TEX11: variants seen among roughly 807,000 people sequenced by gnomAD.
TEX11 encodes the protein testis expressed 11.
Under a neutral mutation model 84.4 loss-of-function variants are expected in TEX11, and 7 were observed. The ratio of observed to expected loss-of-function variants is 0.08; its 90% confidence interval spans 0.05 to 0.16. The LOEUF (loss-of-function observed/expected upper bound fraction) is 0.16. Ranked by LOEUF, TEX11 falls within the 10% of genes least tolerant of loss-of-function variation. TEX11 has a pLI of 1.00. For missense variants in TEX11, 551 were observed against 660.5 expected, an observed-to-expected ratio of 0.83 and a Z score of 1.82; for synonymous variants, 264 against 222.8, an observed-to-expected ratio of 1.18 and a Z score of -1.64.
chrX:70,753,864 A>G (rs2090847741), intron 9 of TEX11, among the ~76,000 whole-genome samples: 1 of 110,638 alleles, frequency 9.0e-6, no homozygotes, highest in Non-Finnish European at 1.9e-5. Context: ...CCCTCTCTTG[A>G]AGGAAAGGAC....
intron 28 of TEX11, among the ~76,000 whole-genome samples, chrX:70,550,934 A>G (rs1308905420): frequency 3.6e-5 from 4 of 111,957 alleles, no homozygotes; most frequent in African/African-American, 1.3e-4. Context: ...CAGTATATCA[A>G]AGAGGTATCT....
intron 7 of TEX11, among the ~76,000 whole-genome samples, chrX:70,843,190 A>G (rs2091457855): frequency 4.5e-5 from 5 of 111,982 alleles, no homozygotes; most frequent in Admixed American, 3.8e-4. Context: ...AAGCCAGAAG[A>G]ACAAAGCTGG....
chrX:70,729,427 T>C (rs2090626695), intron 11 of TEX11, among the ~76,000 whole-genome samples: 1 of 110,697 alleles, frequency 9.0e-6, no homozygotes, highest in Non-Finnish European at 1.9e-5. Flanking sequence ...ATTAGACGAA[T>C]GGCTAACTAG....
rs765024120 is a variant in TEX11 at position 70,648,877 on chromosome X, C to G, written c.1483+2573G>C. Among the ~76,000 whole-genome samples, 6 of 110,212 alleles carry G rather than the reference C, an allele frequency of 5.4e-5. No individual in the cohort carries two copies. The East Asian group carries it at 1.4e-3, about 26-fold the overall frequency. On this transcript the variant is annotated intron_variant, in intron 17 of 29. Transcript: ENST00000374333. ...CCTGATGTTCTCCCTCCCCTCCCCG[C>G]CCCCAACAGGCCCCAGTGTGTGTTG...
intron 17 of TEX11, among the ~76,000 whole-genome samples, chrX:70,637,289 T>C (rs1356532186): frequency 1.8e-5 from 2 of 112,198 alleles, no homozygotes; most frequent in African/African-American, 6.5e-5. Flanking sequence ...AAAGGAATGC[T>C]TTTACACTTT....
intron 16 of TEX11, among the ~76,000 whole-genome samples, chrX:70,667,770 A>G (rs1353843566): frequency 9.0e-6 from 1 of 110,922 alleles, no homozygotes. Context: ...TACTAAAAAT[A>G]TAAAAAATTA....
At chrX:70,633,787 G>A (rs1034518141) in intron 17 of TEX11, among the ~76,000 whole-genome samples, 1 of 110,856 alleles carries the variant, frequency 9.0e-6, no homozygotes, top group Non-Finnish European at 1.9e-5. Flanking sequence ...GCGTGGTGGT[G>A]CATGCCTGTA....
intron 7 of TEX11, among the ~76,000 whole-genome samples, chrX:70,848,673 G>A (rs2091491862): frequency 8.9e-6 from 1 of 111,967 alleles, no homozygotes; most frequent in Admixed American, 9.6e-5. Flanking sequence ...TACTATGCTA[G>A]AAGCTGACAA....
chrX:70,744,767 G>A (rs2090757662), intron 9 of TEX11, among the ~76,000 whole-genome samples: 1 of 110,406 alleles, frequency 9.1e-6, no homozygotes, highest in Non-Finnish European at 1.9e-5. Context: ...CTGGAGTGCA[G>A]TGGCACGATC....
intron 16 of TEX11, among the ~76,000 whole-genome samples, chrX:70,666,206 C>A (rs1463460447): frequency 1.8e-5 from 2 of 111,315 alleles, no homozygotes; most frequent in East Asian, 5.6e-4. Flanking sequence ...GTTACAAAGT[C>A]TTGGAGGAAA....
At chrX:70,804,174 T>C (rs1368562028) in intron 9 of TEX11, among the ~76,000 whole-genome samples, 1 of 112,126 alleles carries the variant, frequency 8.9e-6, no homozygotes, top group Non-Finnish European at 1.9e-5. Context: ...GTAGAGATAG[T>C]AGCAGCAGTT....
chrX:70,718,690 A>G (rs1388471557), intron 13 of TEX11, among the ~76,000 whole-genome samples: 1 of 111,907 alleles, frequency 8.9e-6, no homozygotes, highest in East Asian at 2.8e-4. Context: ...TTCAGAACTG[A>G]AGTATTTATT....
intron 2 of TEX11, among the ~76,000 whole-genome samples, chrX:70,905,868 A>G (rs2091826296): frequency 9.5e-6 from 1 of 105,142 alleles, no homozygotes; most frequent in African/African-American, 3.4e-5. Context: ...CCTGGCCAAC[A>G]TGGTGAAACC....
chrX:70,858,102 C>T (rs1484549072), intron 5 of TEX11, among the ~76,000 whole-genome samples: 1 of 108,614 alleles, frequency 9.2e-6, no homozygotes, highest in Non-Finnish European at 1.9e-5. Context: ...AATACGATGC[C>T]TTGTATACTG....
chrX:70,856,505 G>T (rs1343799178), intron 5 of TEX11, among the ~76,000 whole-genome samples: 2 of 110,911 alleles, frequency 1.8e-5, no homozygotes, highest in African/African-American at 6.5e-5. Context: ...ATCTCTAGAT[G>T]ATTTAATACA....
At chrX:70,539,609 C>T (rs756361859) in intron 28 of TEX11, among the ~76,000 whole-genome samples, 5 of 111,445 alleles carry the variant, frequency 4.5e-5, no homozygotes, top group Non-Finnish European at 5.6e-5. Flanking sequence ...GTTTCCCCCC[C>T]ACCATTATTT....
chrX:70,859,580 CAAAAAAA>C (rs760041212), intron 5 of TEX11, among the ~76,000 whole-genome samples: 8 of 35,056 alleles, frequency 2.3e-4, no homozygotes, highest in African/African-American at 3.0e-4. Context: ...AGATCCTGTC[CAAAAAAA>C]AAAAAAAAAA....
intron 17 of TEX11, among the ~76,000 whole-genome samples, chrX:70,637,512 G>A (rs917375171): frequency 3.6e-5 from 4 of 112,075 alleles, no homozygotes; most frequent in Admixed American, 9.4e-5. Context: ...TATAATCAAC[G>A]TATGCCCATC....
At chrX:70,666,264 T>TTAGGCTTTGAAAAAGGGAATTTTAAGC (rs2089975419) in intron 16 of TEX11, among the ~76,000 whole-genome samples, 1 of 111,214 alleles carries the variant, frequency 9.0e-6, no homozygotes, top group African/African-American at 3.3e-5. Context: ...TCATTAAGAG[T>TTAGGCTTTGAAAAAGGGAATTTTAAGC]TAGGCTTTGA....
Sources: gnomAD v4.1 joint callset for allele counts (sites outside exome capture counted in the v4.1 genomes callset) on GRCh38, gnomAD v4.1.1 for gene constraint, MANE v1.5 for transcripts, NCBI Gene and HGNC (gene_info 2026-07-23, HGNC 2026-07-21) for gene names.